The following HS6ST3 variants were observed in gnomAD, a reference collection of about 807,000 sequenced individuals.
HS6ST3 encodes heparan sulfate 6-O-sulfotransferase 3.
HS6ST3 carries 12 observed loss-of-function variants against 36.7 expected under a neutral mutation model. That is an observed-to-expected ratio of 0.33 (90% CI 0.21 to 0.53). The LOEUF (loss-of-function observed/expected upper bound fraction) is 0.53, where lower values mean the gene tolerates loss of function less well. HS6ST3 is among the 20% of genes least tolerant of loss of function. HS6ST3 has a pLI of 0.95. For synonymous variants in HS6ST3, 240 were observed against 257.5 expected (o/e 0.93, Z 0.65); for missense variants, 584 against 640.9 (o/e 0.91, Z 0.96).
At chr13:96,444,872 C>A (rs941489308) in intron 1 of HS6ST3, among the ~76,000 whole-genome samples, 1 of 152,126 alleles carries the variant, frequency 6.6e-6, no homozygotes, top group African/African-American at 2.4e-5. Context: ...TGAAACAGCA[C>A]TTTTACAGCT....
chr13:96,820,506 G>T (rs1478114532), intron 1 of HS6ST3, among the ~76,000 whole-genome samples: 1 of 152,188 alleles, frequency 6.6e-6, no homozygotes, highest in African/African-American at 2.4e-5. Flanking sequence ...GTGAGGATCT[G>T]CTAGGTATCA....
intron 1 of HS6ST3, among the ~76,000 whole-genome samples, chr13:96,160,949 G>A (rs1027002776): frequency 2.0e-5 from 3 of 152,132 alleles, no homozygotes; most frequent in African/African-American, 7.2e-5. Flanking sequence ...ATTCCTGTTT[G>A]CTATAATTTA....
At chr13:96,621,457 T>C (rs1005426200) in intron 1 of HS6ST3, among the ~76,000 whole-genome samples, 1 of 152,208 alleles carries the variant, frequency 6.6e-6, no homozygotes, top group African/African-American at 2.4e-5. Flanking sequence ...GCCATGATTG[T>C]AAGTTTCCTG....
intron 1 of HS6ST3, among the ~76,000 whole-genome samples, chr13:96,316,394 C>A (rs1316579060): frequency 6.6e-6 from 1 of 152,068 alleles, no homozygotes; most frequent in African/African-American, 2.4e-5. Flanking sequence ...AACATAACTT[C>A]CCTAAGTTCC....
chr13:96,205,443 T>C (rs1232250987), intron 1 of HS6ST3, among the ~76,000 whole-genome samples: 1 of 152,042 alleles, frequency 6.6e-6, no homozygotes, highest in Non-Finnish European at 1.5e-5. Context: ...TTCCAAACAA[T>C]TGAAAAGAAG....
In HS6ST3 at chr13:96,647,242, T is replaced by G. The variant is rs77580923; in HGVS notation, c.708-185248T>G. ...TACATTTATGAGAATAATGAGACTG[T>G]TCTGGAAAATTCTAGAAATATGATT... On this transcript the variant is annotated intron_variant, in intron 1 of 1. Transcript: ENST00000376705. Among the ~76,000 whole-genome samples, 1,212 of 152,146 alleles carry G rather than the reference T, an allele frequency of 8.0e-3. 16 individuals carry two copies. The highest frequency in any genetic ancestry group is 0.027 in the African/African-American group (1,110 of 41,540).
At chr13:96,724,944 A>G (rs903388449) in intron 1 of HS6ST3, among the ~76,000 whole-genome samples, 2 of 152,222 alleles carry the variant, frequency 1.3e-5, no homozygotes, top group Non-Finnish European at 2.9e-5. Context: ...GAAATTGCCA[A>G]ATGGTCTTCC....
At chr13:96,809,205 A>T (rs539160760) in intron 1 of HS6ST3, among the ~76,000 whole-genome samples, 4 of 152,150 alleles carry the variant, frequency 2.6e-5, no homozygotes, top group East Asian at 1.9e-4. Context: ...TCTTTTTTTT[A>T]AAAGTGAAGA....
At chr13:96,332,653 A>G (rs1412266151) in intron 1 of HS6ST3, among the ~76,000 whole-genome samples, 1 of 152,218 alleles carries the variant, frequency 6.6e-6, no homozygotes, top group Non-Finnish European at 1.5e-5. Context: ...TCAATCTGTG[A>G]ATCTTGAAGA....
At chr13:96,566,835 T>G (rs1192960535) in intron 1 of HS6ST3, among the ~76,000 whole-genome samples, 2 of 152,110 alleles carry the variant, frequency 1.3e-5, no homozygotes, top group African/African-American at 4.8e-5. Context: ...GCTGATCAGT[T>G]AAAAAATAAC....
At chr13:96,526,954 A>G in intron 1 of HS6ST3, among the ~76,000 whole-genome samples, 1 of 152,236 alleles carries the variant, frequency 6.6e-6, no homozygotes, top group Non-Finnish European at 1.5e-5. Flanking sequence ...ATAATTTTAT[A>G]GTGAATACGT....
chr13:96,194,708 T>C (rs1353377298), intron 1 of HS6ST3, among the ~76,000 whole-genome samples: 1 of 152,136 alleles, frequency 6.6e-6, no homozygotes, highest in Non-Finnish European at 1.5e-5. Context: ...TTATTCATCT[T>C]GTAACTGAAA....
intron 1 of HS6ST3, among the ~76,000 whole-genome samples, chr13:96,130,600 ACCAAT>A (rs770445355): frequency 2.0e-5 from 3 of 152,090 alleles, no homozygotes; most frequent in Admixed American, 6.5e-5. Context: ...AACATACCTA[ACCAAT>A]CATTGTGAAC....
intron 1 of HS6ST3, among the ~76,000 whole-genome samples, chr13:96,108,845 A>G (rs2053854649): frequency 6.6e-6 from 1 of 152,168 alleles, no homozygotes; most frequent in Middle Eastern, 3.2e-3. Flanking sequence ...AGAGAAGGGT[A>G]AAAAGCTCCT....
intron 1 of HS6ST3, among the ~76,000 whole-genome samples, chr13:96,612,543 C>G (rs1395313655): frequency 4.6e-5 from 7 of 152,162 alleles, no homozygotes; most frequent in Non-Finnish European, 8.8e-5. Flanking sequence ...CAACTGCTTA[C>G]TGGGCATCTA....
At chr13:96,495,958 C>G (rs1156594159) in intron 1 of HS6ST3, among the ~76,000 whole-genome samples, 1 of 152,218 alleles carries the variant, frequency 6.6e-6, no homozygotes, top group African/African-American at 2.4e-5. Flanking sequence ...TGCTCTGGCA[C>G]TTCCTTGGTT....
At chr13:96,461,885 T>C (rs1426061433) in intron 1 of HS6ST3, among the ~76,000 whole-genome samples, 1 of 152,188 alleles carries the variant, frequency 6.6e-6, no homozygotes, top group Non-Finnish European at 1.5e-5. Flanking sequence ...AATTATAGTC[T>C]GCTTTCTTCA....
intron 1 of HS6ST3, among the ~76,000 whole-genome samples, chr13:96,191,298 C>A (rs187189929): frequency 3.9e-5 from 6 of 152,250 alleles, no homozygotes; most frequent in Admixed American, 2.0e-4. Flanking sequence ...TCCATTCCAG[C>A]GTAAAGACAT....
rs142517882 is a variant in HS6ST3 at position 96,178,967 on chromosome 13, G to A, written c.707+87398G>A. On this transcript the variant is annotated intron_variant, in intron 1 of 1. Transcript: ENST00000376705. ...TGGGCCAAATACTAAGAAATGGAGA[G>A]ATTTACTAACACAAACACTAACATT... Among the ~76,000 whole-genome samples, 745 of 152,276 alleles carry A rather than the reference G, an allele frequency of 4.9e-3. 9 individuals are homozygous for A. The highest frequency in any genetic ancestry group is 0.017 in the African/African-American group (707 of 41,558).
Sources: allele counts gnomAD v4.1 joint callset (sites outside exome capture counted in the v4.1 genomes callset), GRCh38; gene constraint gnomAD v4.1.1; transcripts MANE v1.5; gene names NCBI Gene and HGNC (gene_info 2026-07-23, HGNC 2026-07-21).